The following CPEB4 variants were observed in gnomAD, a reference collection of about 807,000 sequenced individuals.
CPEB4 encodes cytoplasmic polyadenylation element-binding protein 4.
In CPEB4, 12 loss-of-function variants were observed where a neutral mutation model predicts 72.5. The observed-to-expected ratio is 0.17, with a 90% CI of 0.11 to 0.27. The LOEUF is 0.27. Among genes scored for constraint, CPEB4 ranks in the 10% least tolerant of loss-of-function variants. The pLI, the probability that CPEB4 is intolerant of heterozygous loss-of-function variation, is 1.00. For missense variants in CPEB4, 614 were observed against 908.5 expected, an observed-to-expected ratio of 0.68 and a Z score of 4.17; for synonymous variants, 302 against 326.3, an observed-to-expected ratio of 0.93 and a Z score of 0.80.
chr5:173,919,560 T>C (rs1174536337), intron 2 of CPEB4, among the ~76,000 whole-genome samples: 8 of 152,222 alleles, frequency 5.3e-5, no homozygotes, highest in African/African-American at 1.4e-4. Flanking sequence ...TGCTGTCTCA[T>C]TTCCTGGCAG....
chr5:173,924,195 T>C (rs1357227360), intron 2 of CPEB4, among the ~76,000 whole-genome samples: 1 of 152,216 alleles, frequency 6.6e-6, no homozygotes, highest in African/African-American at 2.4e-5. Context: ...ATATTACAAT[T>C]GAAACATTAA....
At chr5:173,954,380 T>C (rs1758311211) in intron 9 of CPEB4, among the ~76,000 whole-genome samples, 5 of 152,158 alleles carry the variant, frequency 3.3e-5, no homozygotes, top group Admixed American at 3.3e-4. Flanking sequence ...ACATGCCTAC[T>C]TTGTTTGTTT....
intron 2 of CPEB4, among the ~76,000 whole-genome samples, chr5:173,928,204 C>A (rs928087857): frequency 6.6e-6 from 1 of 152,122 alleles, no homozygotes; most frequent in Non-Finnish European, 1.5e-5. Context: ...TGTATGATAC[C>A]ATAATGGGTG....
At chr5:173,954,802 C>T (rs995819698) in intron 9 of CPEB4, among the ~76,000 whole-genome samples, 6 of 152,198 alleles carry the variant, frequency 3.9e-5, no homozygotes, top group African/African-American at 1.2e-4. Context: ...GCAATGAAAT[C>T]CTTTGCCCAG....
chr5:173,938,085 CT>C (rs924126828), intron 3 of CPEB4, among the ~76,000 whole-genome samples: 19 of 152,202 alleles, frequency 1.2e-4, no homozygotes, highest in Admixed American at 5.2e-4. Flanking sequence ...CATCTTTATT[CT>C]TTTGTTCACA....
chr5:173,897,107 C>T (rs1435245678), intron 1 of CPEB4, among the ~76,000 whole-genome samples: 6 of 152,098 alleles, frequency 3.9e-5, no homozygotes, highest in Non-Finnish European at 1.5e-5. Flanking sequence ...GCTATATATG[C>T]TTTATTGAAT....
At chr5:173,908,769 G>T (rs1488972343) in intron 1 of CPEB4, among the ~76,000 whole-genome samples, 3 of 152,128 alleles carry the variant, frequency 2.0e-5, no homozygotes, top group Admixed American at 2.0e-4. Flanking sequence ...AAATGAAGGG[G>T]ATACAATTAG....
At chr5:173,918,832 G>A (rs1210230328) in intron 2 of CPEB4, among the ~76,000 whole-genome samples, 1 of 152,084 alleles carries the variant, frequency 6.6e-6, no homozygotes, top group Non-Finnish European at 1.5e-5. Context: ...CCATGATGTG[G>A]GTCCGTAATT....
At chr5:173,940,180 G>A (rs1488815807) in intron 3 of CPEB4, among the ~76,000 whole-genome samples, 2 of 152,158 alleles carry the variant, frequency 1.3e-5, no homozygotes, top group Non-Finnish European at 2.9e-5. Flanking sequence ...TTAAACTTTG[G>A]TGGGGACTGG....
rs1581119584 is a variant in CPEB4 at position 173,907,264 on chromosome 5, T to C, written c.1126-3259T>C. ...CCTGGCAACAGAGCGAGACTCCGTC[T>C]CAAAACAACAACAACAACAACAACA... On this transcript the variant is annotated intron_variant, in intron 1 of 9. Transcript: ENST00000265085. 3.3e-5 allele frequency among the ~76,000 whole-genome samples: 5 copies of C among 151,988 alleles called. No individual in the cohort carries two copies. In the East Asian group the frequency reaches 9.7e-4, roughly 29 times the overall value.
intron 4 of CPEB4, among the ~76,000 whole-genome samples, chr5:173,944,078 A>C (rs924979853): frequency 1.3e-5 from 2 of 152,206 alleles, no homozygotes; most frequent in African/African-American, 4.8e-5. Context: ...TGTTTCCTGC[A>C]TATATATTCT....
chr5:173,899,946 G>C (rs1219364570), intron 1 of CPEB4, among the ~76,000 whole-genome samples: 1 of 152,100 alleles, frequency 6.6e-6, no homozygotes, highest in African/African-American at 2.4e-5. Flanking sequence ...GTGTTGAGGA[G>C]TGCCTTCTGC....
chr5:173,890,681 T>A lies in CPEB4; in HGVS notation c.948T>A (p.Asp316Glu). 1 of 1,614,064 alleles carries A rather than the reference T, an allele frequency of 6.2e-7. No homozygotes were observed. Among genetic ancestry groups the A allele is most frequent in the Non-Finnish European group, 8.5e-7 (1 of 1,180,020 alleles). ...YGGWGGSQGRDHRRGLNGGIT... is the reference protein window; with the variant it reads ...YGGWGGSQGREHRRGLNGGIT... ...GCTGGGGAGGTTCCCAAGGCCGAGA[T>A]CACCGCAGAGGGCTGAATGGTGGAA... The change falls in exon 1 of 10, where the codon GAT (aspartate) becomes GAA (glutamate). Residue 316 changes from aspartate to glutamate, a missense_variant. Physicochemically the swap from Asp to Glu is conservative, Grantham distance 45. Coordinates refer to ENST00000265085, the MANE Select transcript of CPEB4 (RefSeq NM_030627.4).
chr5:173,891,939 G>C (rs188191193), intron 1 of CPEB4, among the ~76,000 whole-genome samples: 33 of 151,656 alleles, frequency 2.2e-4, no homozygotes, highest in African/African-American at 7.7e-4. Flanking sequence ...CTTAGCCAAG[G>C]GTACACAGCT....
intron 1 of CPEB4, among the ~76,000 whole-genome samples, chr5:173,902,870 G>A (rs1756288833): frequency 6.6e-6 from 1 of 152,024 alleles, no homozygotes; most frequent in African/African-American, 2.4e-5. Flanking sequence ...AAGTCCAAAG[G>A]GACCAGTATA....
At position 173,949,531 on chromosome 5, in the gene CPEB4, C is replaced by T. The variant is rs766614953; in HGVS notation, c.1480C>T (p.Arg494Cys). Residue 494 changes from arginine (R) to cysteine (C), a missense_variant, in exon 6 of 10, where the codon CGC becomes TGC. By Grantham distance (180) the Arg-to-Cys change is radical (BLOSUM62 -3). Coordinates refer to ENST00000265085, the MANE Select transcript of CPEB4 (RefSeq NM_030627.4). ...AGATGAGATCACAGCTAGTTTTCGT[C>T]GCTTTGGCCCTCTGATTGTGGATTG... ...DEDEITASFRRFGPLIVDWPH... is the reference protein window; with the variant it reads ...DEDEITASFRCFGPLIVDWPH... The T allele has an allele frequency of 1.4e-5, 22 of 1,613,028 alleles. No homozygotes were observed. The highest frequency in any genetic ancestry group is 2.2e-5 in the East Asian group (1 of 44,842).
At chr5:173,925,888 A>G (rs1271628305) in intron 2 of CPEB4, among the ~76,000 whole-genome samples, 1 of 152,208 alleles carries the variant, frequency 6.6e-6, no homozygotes, top group African/African-American at 2.4e-5. Flanking sequence ...GTGCATTAGA[A>G]ATTTTTAATG....
Position 173,900,218 on chromosome 5 carries a change from C to A in CPEB4, c.1125+9360C>A, listed in dbSNP as rs543586524. 6.6e-6 allele frequency among the ~76,000 whole-genome samples: 1 copy of A among 152,196 alleles called. No homozygotes were observed. The highest frequency in any genetic ancestry group is 2.4e-5 in the African/African-American group (1 of 41,518). On this transcript the variant is annotated intron_variant, in intron 1 of 9. Coordinates refer to ENST00000265085, the MANE Select transcript of CPEB4 (RefSeq NM_030627.4). The surrounding 1 kb of genome is among the most constrained non-coding windows in gnomAD (Gnocchi z 4.4). ...GTCGGGAGTTCGAGACCAGCCTGAC[C>A]AATATGGAGAAACCCCATCTCTACT...
Position 173,950,133 on chromosome 5 carries a change from A to C in CPEB4, c.1665+55A>C. Reference sequence around the variant, plus strand: ...TTGTTTTTGCCTCCATTCATCTGTTATATTTGAAAAACCCATAGACAACTT... The same window carrying C: ...TTGTTTTTGCCTCCATTCATCTGTTCTATTTGAAAAACCCATAGACAACTT... On this transcript the variant is annotated intron_variant, in intron 7 of 9. Transcript: ENST00000265085. This position sits in a 1 kb window ranked among gnomAD's most constrained non-coding sequence, Gnocchi z 5.0. 9.4e-7 allele frequency: 1 copy of C among 1,067,374 alleles called. No individual in the cohort carries two copies. The highest frequency in any genetic ancestry group is 1.4e-5 in the South Asian group (1 of 72,460). The allele number at this position is 1,067,374 out of a possible 1,614,324, so 66.1% of individuals were successfully genotyped here. A position where few individuals can be genotyped will look rare whatever the true frequency, so the allele number is the denominator to read the frequency against.
Sources: gnomAD v4.1 joint callset for allele counts (sites outside exome capture counted in the v4.1 genomes callset) on GRCh38, gnomAD v4.1.1 for gene constraint, Gnocchi (gnomAD v3.1) non-coding constraint, MANE v1.5 for transcripts, NCBI Gene and HGNC (gene_info 2026-07-23, HGNC 2026-07-21) for gene names.